LRIG1: variants seen among roughly 807,000 people sequenced by gnomAD.
The protein encoded by LRIG1 is leucine rich repeats and immunoglobulin like domains 1.
In LRIG1, 48 loss-of-function variants were observed where a neutral mutation model predicts 99.2. The ratio of observed to expected loss-of-function variants is 0.48; its 90% confidence interval spans 0.38 to 0.62. The LOEUF (loss-of-function observed/expected upper bound fraction) is 0.62. Among genes scored for constraint, LRIG1 ranks in the 20% least tolerant of loss-of-function variants. The pLI is 0.00. For synonymous variants in LRIG1, 772 were observed against 596.1 expected (o/e 1.29, Z -4.30); for missense variants, 1,646 against 1,434.4 (o/e 1.15, Z -2.38).
chr3:66,479,752 A>T (rs1225624185), intron 1 of LRIG1, among the ~76,000 whole-genome samples: 1 of 152,212 alleles, frequency 6.6e-6, no homozygotes, highest in African/African-American at 2.4e-5. Context: ...AGATACCACA[A>T]CACACCCACT....
intron 1 of LRIG1, among the ~76,000 whole-genome samples, chr3:66,495,987 G>A (rs1701218242): frequency 6.6e-6 from 1 of 152,224 alleles, no homozygotes; most frequent in Non-Finnish European, 1.5e-5. Flanking sequence ...ATTAACACTG[G>A]AGGGAGGAAA....
intron 11 of LRIG1, among the ~76,000 whole-genome samples, chr3:66,395,018 G>A (rs967071072): frequency 1.2e-4 from 18 of 152,218 alleles, no homozygotes; most frequent in African/African-American, 3.6e-4. Flanking sequence ...TTTTTAAACA[G>A]AAATCGGAAT....
intron 13 of LRIG1, 64 bp downstream of exon 13, chr3:66,385,917 A>AT: frequency 7.0e-7 from 1 of 1,435,094 alleles, no homozygotes; most frequent in Non-Finnish European, 9.7e-7. Context: ...TGGAAAGCTG[A>AT]AAGGGCAATC....
At chr3:66,431,229 C>A (rs1483195333) in intron 3 of LRIG1, among the ~76,000 whole-genome samples, 1 of 152,220 alleles carries the variant, frequency 6.6e-6, no homozygotes, top group Non-Finnish European at 1.5e-5. Flanking sequence ...CTGTTCAGCT[C>A]TGCCCCTTGA....
intron 1 of LRIG1, among the ~76,000 whole-genome samples, chr3:66,473,562 G>T (rs957908111): frequency 5.3e-5 from 8 of 152,160 alleles, no homozygotes; most frequent in Non-Finnish European, 8.8e-5. Context: ...TAAGTACAAG[G>T]TTCCTTCCAA....
At chr3:66,406,515 G>C in intron 8 of LRIG1, 1 of 654,004 alleles carries the variant, frequency 1.5e-6, no homozygotes, top group Non-Finnish European at 1.9e-6. Flanking sequence ...CCAGGTGCAA[G>C]TGCAAAGGCC....
chr3:66,387,614 T>C (rs1701439370), intron 12 of LRIG1: 1 of 151,918 alleles, frequency 6.6e-6, no homozygotes. Context: ...ATTTCCAGAG[T>C]TGCCACATTA....
At chr3:66,406,854 G>A (rs1406639981) in intron 8 of LRIG1, among the ~76,000 whole-genome samples, 1 of 152,194 alleles carries the variant, frequency 6.6e-6, no homozygotes, top group African/African-American at 2.4e-5. Context: ...TGGAAAGGAG[G>A]CATCTTGGTA....
intron 1 of LRIG1, among the ~76,000 whole-genome samples, chr3:66,487,596 A>G (rs1399933661): frequency 6.6e-6 from 1 of 152,210 alleles, no homozygotes; most frequent in Non-Finnish European, 1.5e-5. Context: ...ACACACACAC[A>G]CACATACACA....
chr3:66,409,922 G>C (rs1002729827), intron 7 of LRIG1: 4 of 504,846 alleles, frequency 7.9e-6, no homozygotes, highest in African/African-American at 7.7e-5. Context: ...TCCAAATGCA[G>C]AGGAAGTGAA....
chr3:66,444,043 G>A (rs1388848730), intron 3 of LRIG1, among the ~76,000 whole-genome samples: 1 of 152,214 alleles, frequency 6.6e-6, no homozygotes, highest in Non-Finnish European at 1.5e-5. Flanking sequence ...AGTCTTAGCT[G>A]AGGATAAAGA....
chr3:66,380,241 CAAG>C lies in LRIG1; in HGVS notation c.*19_*21del. ...CTCTTTCCCGTAGAGATTGGTATGA[CAAG>C]AACTGAGGTAGACAAAACCTAGCTT... On this transcript the variant is annotated 3_prime_UTR_variant, in exon 19 of 19. Coordinates refer to ENST00000273261, the MANE Select transcript of LRIG1 (RefSeq NM_015541.3). 1 of 1,590,400 alleles carries C rather than the reference CAAG, an allele frequency of 6.3e-7. No individual in the cohort carries two copies. Among genetic ancestry groups the C allele is most frequent in the Non-Finnish European group, 8.6e-7 (1 of 1,165,468 alleles).
intron 3 of LRIG1, among the ~76,000 whole-genome samples, chr3:66,446,952 G>A (rs1160198317): frequency 1.3e-5 from 2 of 151,814 alleles, no homozygotes; most frequent in African/African-American, 2.4e-5. Context: ...TTGGGGGGCG[G>A]GGTGGGTTGG....
At chr3:66,470,790 AC>A (rs748648569) in intron 1 of LRIG1, among the ~76,000 whole-genome samples, 2 of 152,106 alleles carry the variant, frequency 1.3e-5, no homozygotes, top group African/African-American at 2.4e-5. Context: ...TTTCTATACT[AC>A]CCCTTAAAAT....
At chr3:66,417,046 G>A in intron 4 of LRIG1, 83 bp downstream of exon 4, 1 of 1,540,086 alleles carries the variant, frequency 6.5e-7, no homozygotes, top group African/African-American at 1.4e-5. Context: ...CATCCCTCCT[G>A]CATCCAGAAC....
chr3:66,380,802 C>G lies in LRIG1; in HGVS notation c.2830G>C (p.Gly944Arg). ...CNTEVDCYSR[G>R]QAFHPQPVSR... ...ACAGGCTGGGGGTGGAAGGCTTGTC[C>G]CCTGGAGTAACAGTCCACTTCGGTG... Residue 944 changes from glycine to arginine, a missense_variant, in exon 18 of 19, where the codon GGA becomes CGA. Coordinates refer to ENST00000273261, the MANE Select transcript of LRIG1 (RefSeq NM_015541.3). 6.2e-7 allele frequency: 1 copy of G among 1,614,178 alleles called. No individual in the cohort carries two copies. Among genetic ancestry groups the G allele is most frequent in the Non-Finnish European group, 8.5e-7 (1 of 1,180,044 alleles).
Position 66,401,775 on chromosome 3 carries a change from T to C in LRIG1, c.1161-2734A>G, listed in dbSNP as rs373357956. The C allele has an allele frequency of 1.1e-4, 89 of 792,742 alleles. No homozygotes were observed. The African/African-American group carries it at 1.5e-3, about 13-fold the overall frequency. 49.1% of individuals were successfully genotyped at this position (792,742 alleles called of 1,614,324 possible). ...TCCCTTTCAGAAGGAACACCTGGCC[T>C]GACCTCCCCAGCACCAACCTGGAAC... On this transcript the variant is annotated intron_variant, in intron 9 of 18. Transcript: ENST00000273261.
At chr3:66,466,931 C>T (rs1700485048) in intron 1 of LRIG1, among the ~76,000 whole-genome samples, 1 of 152,204 alleles carries the variant, frequency 6.6e-6, no homozygotes, top group African/African-American at 2.4e-5. Context: ...ATTCTGTCAG[C>T]CATTGTCATA....
intron 2 of LRIG1, among the ~76,000 whole-genome samples, chr3:66,453,807 C>G (rs1446534165): frequency 2.6e-5 from 4 of 152,208 alleles, no homozygotes; most frequent in Non-Finnish European, 4.4e-5. Flanking sequence ...TAGGATCTCA[C>G]TTGATTTTAA....
Sources: gnomAD v4.1 joint callset for allele counts (sites outside exome capture counted in the v4.1 genomes callset) on GRCh38, gnomAD v4.1.1 for gene constraint, MANE v1.5 for transcripts, NCBI Gene and HGNC (gene_info 2026-07-23, HGNC 2026-07-21) for gene names.